ADAMTSL1: variants seen among roughly 807,000 people sequenced by gnomAD.
ADAMTSL1 encodes the protein ADAMTS-like protein 1.
A neutral mutation model predicts 201.8 loss-of-function variants in ADAMTSL1; 126 were observed. The ratio of observed to expected loss-of-function variants is 0.62; its 90% CI spans 0.54 to 0.72. The LOEUF is 0.72. ADAMTSL1 is among the 30% of genes least tolerant of loss of function. The probability of loss-of-function intolerance (pLI) is 0.00; values close to 1 mark genes in which losing one functional copy is unlikely to be tolerated. For missense variants in ADAMTSL1, 2,679 were observed against 2,277.8 expected, an observed-to-expected ratio of 1.18 and a Z score of -3.59; for synonymous variants, 1,121 against 903.4, an observed-to-expected ratio of 1.24 and a Z score of -4.32.
chr9:18,291,046 G>T (rs571091563), intron 2 of ADAMTSL1, among the ~76,000 whole-genome samples: 59 of 152,252 alleles, frequency 3.9e-4, no homozygotes, highest in African/African-American at 1.4e-3. Context: ...CTCCCAAAGT[G>T]CTGGGATTAC....
chr9:18,270,016 A>G (rs781339169), intron 2 of ADAMTSL1, among the ~76,000 whole-genome samples: 2 of 152,126 alleles, frequency 1.3e-5, no homozygotes, highest in African/African-American at 4.8e-5. Context: ...TCCTTCCCAT[A>G]ATAGGCCAGA....
intron 1 of ADAMTSL1, among the ~76,000 whole-genome samples, chr9:18,081,810 G>A (rs567093876): frequency 5.6e-4 from 85 of 152,210 alleles, no homozygotes; most frequent in African/African-American, 1.6e-3. Context: ...ATATGTAAGC[G>A]TATCTGCATT....
intron 2 of ADAMTSL1, among the ~76,000 whole-genome samples, chr9:18,422,061 C>G (rs1055017797): frequency 2.0e-5 from 3 of 152,122 alleles, no homozygotes; most frequent in South Asian, 2.1e-4. Context: ...AAATGTTGTA[C>G]TACCTCTTAT....
chr9:18,775,213 A>G (rs1332885898), intron 17 of ADAMTSL1, among the ~76,000 whole-genome samples: 1 of 152,214 alleles, frequency 6.6e-6, no homozygotes, highest in African/African-American at 2.4e-5. Context: ...CTATTCTTGC[A>G]CATCTTTTCT....
chr9:18,571,944 G>A (rs1004848292), intron 3 of ADAMTSL1, among the ~76,000 whole-genome samples: 3 of 152,130 alleles, frequency 2.0e-5, no homozygotes, highest in Non-Finnish European at 2.9e-5. Context: ...TATAATCCCA[G>A]CACTTTGAGA....
intron 10 of ADAMTSL1, among the ~76,000 whole-genome samples, chr9:18,678,234 G>A (rs1830233661): frequency 6.6e-6 from 1 of 152,106 alleles, no homozygotes; most frequent in Non-Finnish European, 1.5e-5. Flanking sequence ...GAGGCTAAAT[G>A]TATGATGTAT....
At chr9:18,319,623 C>G (rs1243560383) in intron 2 of ADAMTSL1, among the ~76,000 whole-genome samples, 1 of 152,116 alleles carries the variant, frequency 6.6e-6, no homozygotes, top group South Asian at 2.1e-4. Context: ...TGTAGCTCCC[C>G]CATCCAGGAG....
At chr9:18,391,710 G>A (rs986590401) in intron 2 of ADAMTSL1, among the ~76,000 whole-genome samples, 8 of 151,992 alleles carry the variant, frequency 5.3e-5, no homozygotes, top group Non-Finnish European at 1.0e-4. Flanking sequence ...TAGTTTTTAA[G>A]AGAGTTTTTA....
rs1463415196 is a variant in ADAMTSL1, at chr9:18,735,455, T to C, written c.2006+13790T>C. On this transcript the variant is annotated intron_variant, in intron 15 of 28. Coordinates refer to ENST00000380548, the MANE Select transcript of ADAMTSL1 (RefSeq NM_001040272.6). ...GGTTGGTTTTCAGAGCCCCACTATCTGATCAGTCTTCAAAATGCTTGCTTA... is the reference window on the plus strand; with the variant it reads ...GGTTGGTTTTCAGAGCCCCACTATCCGATCAGTCTTCAAAATGCTTGCTTA... Among the ~76,000 whole-genome samples the C allele has an allele frequency of 3.3e-5, 5 of 152,238 alleles. 1 individual carries two copies. Among genetic ancestry groups the C allele is most frequent in the Admixed American group, 3.3e-4 (5 of 15,284 alleles).
chr9:18,907,136 T>C, intron 28 of ADAMTSL1: 1 of 551,590 alleles, frequency 1.8e-6, no homozygotes, highest in African/African-American at 1.9e-5. Flanking sequence ...ATCTCCATCC[T>C]GGCCCTGAGA....
chr9:18,572,674 G>A (rs61646303), intron 3 of ADAMTSL1, among the ~76,000 whole-genome samples: 1,821 of 152,224 alleles, frequency 0.012, 41 homozygotes, highest in African/African-American at 0.042. Context: ...CTACCAGAGC[G>A]TTATATGCTC....
intron 19 of ADAMTSL1, among the ~76,000 whole-genome samples, chr9:18,793,531 C>T (rs913717117): frequency 3.3e-5 from 5 of 152,148 alleles, no homozygotes; most frequent in African/African-American, 9.7e-5. Context: ...GTTGTTTCCC[C>T]ACCCTCTCAC....
chr9:18,123,340 T>C (rs1014039556), intron 1 of ADAMTSL1, among the ~76,000 whole-genome samples: 1 of 152,202 alleles, frequency 6.6e-6, no homozygotes, highest in African/African-American at 2.4e-5. Flanking sequence ...TGGGTATAAT[T>C]TGAATTAGAA....
intron 1 of ADAMTSL1, among the ~76,000 whole-genome samples, chr9:18,149,405 G>A (rs1826805870): frequency 6.6e-6 from 1 of 151,962 alleles, no homozygotes; most frequent in African/African-American, 2.4e-5. Context: ...GATAAATGGA[G>A]ACCCAACAGA....
At chr9:18,601,462 G>A (rs10756981) in intron 4 of ADAMTSL1, among the ~76,000 whole-genome samples, 91,708 of 151,938 alleles carry the variant, frequency 0.6, 28,349 homozygotes, top group Non-Finnish European at 0.68. Context: ...TCTGTCTCCA[G>A]CCAATTTTCA....
At chr9:18,750,696 A>G (rs1027012425) in intron 15 of ADAMTSL1, among the ~76,000 whole-genome samples, 4 of 152,214 alleles carry the variant, frequency 2.6e-5, no homozygotes, top group African/African-American at 9.7e-5. Context: ...AACAGTGACA[A>G]TAAACATTGA....
intron 4 of ADAMTSL1, among the ~76,000 whole-genome samples, chr9:18,577,328 A>C (rs1822799214): frequency 6.6e-6 from 1 of 152,160 alleles, no homozygotes; most frequent in Non-Finnish European, 1.5e-5. Flanking sequence ...TGTACTAAAA[A>C]TACAAAAATT....
At chr9:18,054,162 G>T (rs1013747392) in intron 1 of ADAMTSL1, among the ~76,000 whole-genome samples, 3 of 152,146 alleles carry the variant, frequency 2.0e-5, no homozygotes, top group Non-Finnish European at 4.4e-5. Context: ...TTATGTATGT[G>T]TGTGTATGTA....
At chr9:18,670,161 A>G (rs1829726466) in intron 9 of ADAMTSL1, among the ~76,000 whole-genome samples, 1 of 152,048 alleles carries the variant, frequency 6.6e-6, no homozygotes, top group Admixed American at 6.6e-5. Flanking sequence ...TCATTTTTTA[A>G]AATATAGTCA....
Sources: allele counts gnomAD v4.1 joint callset (sites outside exome capture counted in the v4.1 genomes callset), GRCh38; gene constraint gnomAD v4.1.1; transcripts MANE v1.5; gene names NCBI Gene and HGNC (gene_info 2026-07-23, HGNC 2026-07-21).